SUMF1: variants seen among roughly 807,000 people sequenced by gnomAD.
The protein encoded by SUMF1 is formylglycine-generating enzyme.
A neutral mutation model predicts 47.6 loss-of-function variants in SUMF1; 48 were observed. That is an observed-to-expected ratio of 1.01 (90% CI 0.80 to 1.28). The LOEUF (loss-of-function observed/expected upper bound fraction) is 1.28, where lower values mean the gene tolerates loss of function less well. SUMF1 is among the 50% of genes most tolerant of loss of function. SUMF1 has a pLI of 0.00. For missense variants in SUMF1, 571 were observed against 485.4 expected, an observed-to-expected ratio of 1.18 and a Z score of -1.66; for synonymous variants, 230 against 192.1, an observed-to-expected ratio of 1.20 and a Z score of -1.63.
At chr3:4,067,247 C>G (rs1695399322) in intron 9 of SUMF1, among the ~76,000 whole-genome samples, 1 of 152,106 alleles carries the variant, frequency 6.6e-6, no homozygotes, top group African/African-American at 2.4e-5. Flanking sequence ...GTAAGACAGG[C>G]CACTCTCATC....
At chr3:4,330,201 CCAAA>C (rs1250631461) in intron 8 of SUMF1, among the ~76,000 whole-genome samples, 1 of 152,174 alleles carries the variant, frequency 6.6e-6, no homozygotes, top group African/African-American at 2.4e-5. Flanking sequence ...TCTGACCTCT[CCAAA>C]CTGTTCCAAC....
At chr3:4,340,800 A>C (rs533925413) in intron 8 of SUMF1, among the ~76,000 whole-genome samples, 8 of 152,310 alleles carry the variant, frequency 5.3e-5, no homozygotes, top group African/African-American at 1.9e-4. Flanking sequence ...TTGAAGCGCC[A>C]TTTCCTGAAC....
chr3:4,182,132 T>A (rs1695110540), intron 8 of SUMF1, among the ~76,000 whole-genome samples: 1 of 152,108 alleles, frequency 6.6e-6, no homozygotes, highest in African/African-American at 2.4e-5. Context: ...AGAGTCTAGG[T>A]CTTCAGAGCT....
chr3:4,251,908 AT>A (rs1696810657), intron 8 of SUMF1, among the ~76,000 whole-genome samples: 1 of 152,204 alleles, frequency 6.6e-6, no homozygotes, highest in Non-Finnish European at 1.5e-5. Context: ...TTTAGAGATA[AT>A]GCTATTTCAC....
chr3:4,313,291 T>C (rs1244925432), intron 8 of SUMF1: 1 of 1,613,936 alleles, frequency 6.2e-7, no homozygotes, highest in Non-Finnish European at 8.5e-7. Flanking sequence ...AAGAATTCAC[T>C]TACAAACAAA....
In SUMF1 at chr3:4,235,641, G is replaced by A. The variant is rs781271937; in HGVS notation, c.1014+140689C>T. Among the ~76,000 whole-genome samples, 58 of 152,166 alleles carry A rather than the reference G, an allele frequency of 3.8e-4. 1 individual carries two copies. Among genetic ancestry groups the A allele is most frequent in the Middle Eastern group, 3.4e-3 (1 of 294 alleles). Reference sequence around the variant, plus strand: ...ATAAAACCAAATGTATTACCTCTATGTACTTACAAGGGAACATCCTAGGCC... The same window carrying A: ...ATAAAACCAAATGTATTACCTCTATATACTTACAAGGGAACATCCTAGGCC... On this transcript the variant is annotated intron_variant and NMD_transcript_variant, in intron 8 of 12. Coordinates refer to the SUMF1 transcript ENST00000448413.
intron 7 of SUMF1, among the ~76,000 whole-genome samples, chr3:4,397,034 G>C (rs1701060850): frequency 6.6e-6 from 1 of 152,224 alleles, no homozygotes; most frequent in African/African-American, 2.4e-5. Flanking sequence ...GGTAGTGGTA[G>C]ACTGCCAGAT....
rs1365117577 is a variant in SUMF1 at position 4,157,875 on chromosome 3, A to G, written c.1015-89130T>C. 2.0e-5 allele frequency among the ~76,000 whole-genome samples: 3 copies of G among 151,602 alleles called. 1 individual carries two copies. The highest frequency in any genetic ancestry group is 7.3e-5 in the African/African-American group (3 of 40,930). On this transcript the variant is annotated intron_variant and NMD_transcript_variant, in intron 8 of 12. Transcript: ENST00000448413. ...TATTTAGCCTCTGGATGCTAATCCC[A>G]CAAGAATGATACTTCTGTACTCAAG... is the stretch of plus-strand genomic sequence containing the variant.
At chr3:4,162,005 C>T (rs923537941) in intron 8 of SUMF1, among the ~76,000 whole-genome samples, 2 of 152,102 alleles carry the variant, frequency 1.3e-5, no homozygotes, top group African/African-American at 2.4e-5. Context: ...GGCCCAAGGG[C>T]TCTTTAGTCA....
intron 8 of SUMF1, among the ~76,000 whole-genome samples, chr3:4,078,653 G>C (rs1692491734): frequency 6.6e-6 from 1 of 151,916 alleles, no homozygotes; most frequent in African/African-American, 2.4e-5. Context: ...AGCACTTTGG[G>C]AGGCCACAGC....
intron 8 of SUMF1, among the ~76,000 whole-genome samples, chr3:4,344,323 G>A (rs551616357): frequency 6.6e-6 from 1 of 152,212 alleles, no homozygotes; most frequent in Non-Finnish European, 1.5e-5. Flanking sequence ...CCCAGAAGGA[G>A]TAGGCAACCA....
chr3:4,366,299 A>T (rs924859667), intron 8 of SUMF1, among the ~76,000 whole-genome samples: 31 of 152,108 alleles, frequency 2.0e-4, no homozygotes, highest in Admixed American at 1.7e-3. Flanking sequence ...CTGGATAATA[A>T]CCTGCAGAGT....
chr3:4,464,927 A>C (rs1386235970), intron 1 of SUMF1, among the ~76,000 whole-genome samples: 1 of 152,258 alleles, frequency 6.6e-6, no homozygotes, highest in Non-Finnish European at 1.5e-5. Flanking sequence ...GATGGCCCAT[A>C]TAGCATCCAG....
At chr3:4,461,838 G>A (rs754561041) in intron 1 of SUMF1, among the ~76,000 whole-genome samples, 9 of 152,098 alleles carry the variant, frequency 5.9e-5, no homozygotes, top group Non-Finnish European at 1.2e-4. Context: ...TCACTCTGTA[G>A]GATCCAAAGC....
At chr3:4,284,698 C>T (rs1041270593) in intron 8 of SUMF1, among the ~76,000 whole-genome samples, 1 of 151,440 alleles carries the variant, frequency 6.6e-6, no homozygotes, top group Non-Finnish European at 1.5e-5. Flanking sequence ...ACAATTACTT[C>T]AAATCAGGAA....
chr3:4,266,827 T>G (rs1179320082), intron 8 of SUMF1, among the ~76,000 whole-genome samples: 14 of 147,134 alleles, frequency 9.5e-5, no homozygotes, highest in African/African-American at 3.0e-4. Flanking sequence ...ATGCTTCCAG[T>G]TTTTGCCCAT....
At chr3:4,449,083 G>T (rs1453903078) in intron 3 of SUMF1, among the ~76,000 whole-genome samples, 183 bp downstream of exon 3, 1 of 152,132 alleles carries the variant, frequency 6.6e-6, no homozygotes, top group African/African-American at 2.4e-5. Context: ...ATACCATCTT[G>T]TCCCATTTTC....
In SUMF1 at chr3:4,087,858, T is replaced by C. The variant is rs373154890; in HGVS notation, c.1015-19113A>G. On this transcript the variant is annotated intron_variant and NMD_transcript_variant, in intron 8 of 12. Coordinates refer to the SUMF1 transcript ENST00000448413. ...GAGATTCTAAACTGCATTTTATACT[T>C]CAGTGATAATCTCAGATAAATCAGC... Among the ~76,000 whole-genome samples the C allele has an allele frequency of 1.2e-4, 19 of 152,260 alleles. No individual in the cohort carries two copies. The South Asian group carries it at 3.5e-3, about 28-fold the overall frequency.
At chr3:4,093,663 T>A (rs1267016763) in intron 8 of SUMF1, among the ~76,000 whole-genome samples, 1 of 151,962 alleles carries the variant, frequency 6.6e-6, no homozygotes, top group Non-Finnish European at 1.5e-5. Flanking sequence ...GTACAGGATA[T>A]AGAGGGGAAA....
Sources: allele counts gnomAD v4.1 joint callset (sites outside exome capture counted in the v4.1 genomes callset), GRCh38; gene constraint gnomAD v4.1.1; transcripts MANE v1.5; gene names NCBI Gene and HGNC (gene_info 2026-07-23, HGNC 2026-07-21).